RCAN2: variants seen among roughly 807,000 people sequenced by gnomAD.
RCAN2 encodes calcipressin-2.
In RCAN2, 9 loss-of-function variants were observed where a neutral mutation model predicts 23.6. That is an observed-to-expected ratio of 0.38 (90% CI 0.23 to 0.67). RCAN2 has a LOEUF of 0.67. Ranked by LOEUF, RCAN2 falls within the 30% of genes least tolerant of loss-of-function variation. The pLI, the probability that RCAN2 is intolerant of heterozygous loss-of-function variation, is 0.51. For synonymous variants in RCAN2, 109 were observed against 115.7 expected (o/e 0.94, Z 0.37); for missense variants, 273 against 302.3 (o/e 0.90, Z 0.72).
At chr6:46,273,039 T>C (rs1767568611) in intron 2 of RCAN2, among the ~76,000 whole-genome samples, 1 of 152,230 alleles carries the variant, frequency 6.6e-6, no homozygotes, top group African/African-American at 2.4e-5. Flanking sequence ...TCCTGCCTTA[T>C]ATAAGCCTTC....
At chr6:46,273,592 A>G (rs544003009) in intron 2 of RCAN2, among the ~76,000 whole-genome samples, 1 of 152,382 alleles carries the variant, frequency 6.6e-6, no homozygotes, top group South Asian at 2.1e-4. Flanking sequence ...AGTTATGACC[A>G]TAGCTCCTTT....
chr6:46,270,268 G>A (rs957734363), intron 2 of RCAN2, among the ~76,000 whole-genome samples: 2 of 152,134 alleles, frequency 1.3e-5, no homozygotes, highest in African/African-American at 4.8e-5. Context: ...GGAGAGAAGC[G>A]CTGACTCTGA....
intron 2 of RCAN2, among the ~76,000 whole-genome samples, chr6:46,307,505 C>T (rs1212953636): frequency 6.6e-6 from 1 of 152,098 alleles, no homozygotes; most frequent in African/African-American, 2.4e-5. Flanking sequence ...AGTTTAAATG[C>T]CTACATCCAA....
chr6:46,244,788 C>T (rs777804522), intron 4 of RCAN2, among the ~76,000 whole-genome samples: 10 of 152,244 alleles, frequency 6.6e-5, no homozygotes, highest in African/African-American at 2.4e-4. Context: ...GGTCCTCTAG[C>T]CAAGACCTTA....
chr6:46,444,207 C>T (rs1037668232), intron 2 of RCAN2, among the ~76,000 whole-genome samples: 115 of 152,236 alleles, frequency 7.6e-4, no homozygotes, highest in African/African-American at 2.4e-3. Context: ...TCAAGACAAA[C>T]GTGCACAGAG....
At chr6:46,371,356 C>G (rs923182685) in intron 2 of RCAN2, among the ~76,000 whole-genome samples, 2 of 152,202 alleles carry the variant, frequency 1.3e-5, no homozygotes, top group Non-Finnish European at 2.9e-5. Flanking sequence ...TCATGTGACA[C>G]TTGGGAAGCA....
intron 1 of RCAN2, among the ~76,000 whole-genome samples, chr6:46,458,268 A>C (rs143697121): frequency 9.8e-4 from 150 of 152,332 alleles, no homozygotes; most frequent in African/African-American, 3.4e-3. Context: ...GTTTCTGCTT[A>C]TCTCTCTCTT....
At chr6:46,339,754 A>T (rs1764246698) in intron 2 of RCAN2, among the ~76,000 whole-genome samples, 1 of 152,134 alleles carries the variant, frequency 6.6e-6, no homozygotes, top group Non-Finnish European at 1.5e-5. Context: ...TACTAAGTAA[A>T]TATTATCATA....
At chr6:46,425,702 A>C (rs1767011109) in intron 2 of RCAN2, among the ~76,000 whole-genome samples, 1 of 152,152 alleles carries the variant, frequency 6.6e-6, no homozygotes, top group South Asian at 2.1e-4. Context: ...GTTATAATTT[A>C]TGTGCCTACT....
intron 1 of RCAN2, among the ~76,000 whole-genome samples, chr6:46,457,315 A>C (rs919592340): frequency 6.6e-6 from 1 of 152,244 alleles, no homozygotes; most frequent in African/African-American, 2.4e-5. Context: ...TAAATGATTT[A>C]TATAAATTTA....
chr6:46,220,762 T>A lies in RCAN2; in HGVS notation c.*2379A>T, dbSNP rs1019564336. On this transcript the variant is annotated 3_prime_UTR_variant, in exon 5 of 5. Transcript: ENST00000371374. ...TCATTCACCAGATATATTTGAAGTC[T>A]AAGCTCTTTGAGCTATACACGTGCA... 1 of 152,658 alleles carries A rather than the reference T, an allele frequency of 6.6e-6. No individual in the cohort carries two copies. Among genetic ancestry groups the A allele is most frequent in the East Asian group, 1.9e-4 (1 of 5,200 alleles). The allele number at this position is 152,658 out of a possible 1,614,324, so 9.5% of individuals were successfully genotyped here.
At chr6:46,231,491 C>T (rs1424080722) in intron 4 of RCAN2, among the ~76,000 whole-genome samples, 2 of 151,602 alleles carry the variant, frequency 1.3e-5, no homozygotes, top group South Asian at 2.1e-4. Flanking sequence ...CTCACTGCAA[C>T]CTCTGCCTCC....
At chr6:46,321,798 T>C (rs1370212260) in intron 2 of RCAN2, among the ~76,000 whole-genome samples, 2 of 152,242 alleles carry the variant, frequency 1.3e-5, no homozygotes, top group African/African-American at 4.8e-5. Context: ...AACTGAAGTG[T>C]TGGGTGAGCG....
At chr6:46,298,714 A>G (rs1428976621) in intron 2 of RCAN2, among the ~76,000 whole-genome samples, 1 of 152,060 alleles carries the variant, frequency 6.6e-6, no homozygotes, top group Non-Finnish European at 1.5e-5. Context: ...TTGTCAAGGA[A>G]CTTAAAACAG....
At chr6:46,416,645 G>A (rs1161840424) in intron 2 of RCAN2, among the ~76,000 whole-genome samples, 1 of 151,668 alleles carries the variant, frequency 6.6e-6, no homozygotes, top group Non-Finnish European at 1.5e-5. Flanking sequence ...CTTCCGAGTG[G>A]CTAGGACTTG....
At chr6:46,443,023 G>A (rs1206117400) in intron 2 of RCAN2, among the ~76,000 whole-genome samples, 1 of 151,462 alleles carries the variant, frequency 6.6e-6, no homozygotes, top group East Asian at 1.9e-4. Flanking sequence ...ACTGTTCAGG[G>A]AAAAAAAACA....
chr6:46,282,162 A>G lies in RCAN2; in HGVS notation c.226-33266T>C, dbSNP rs1379836693. On this transcript the variant is annotated intron_variant, in intron 2 of 4. Coordinates refer to ENST00000371374, the MANE Select transcript of RCAN2 (RefSeq NM_001251974.2). ...ACAACTACTTCGCATTTCCCCTAATAAGCATATATTATCCAAAACAGACCA... is the reference window on the plus strand; with the variant it reads ...ACAACTACTTCGCATTTCCCCTAATGAGCATATATTATCCAAAACAGACCA... 1.8e-4 allele frequency among the ~76,000 whole-genome samples: 27 copies of G among 152,192 alleles called. 1 individual carries two copies. Among genetic ancestry groups the G allele is most frequent in the Non-Finnish European group, 3.5e-4 (24 of 68,026 alleles).
At chr6:46,468,513 C>A (rs1460279308) in intron 1 of RCAN2, among the ~76,000 whole-genome samples, 1 of 152,210 alleles carries the variant, frequency 6.6e-6, no homozygotes, top group Non-Finnish European at 1.5e-5. Flanking sequence ...CAAAGCAGCC[C>A]CCATCCTGGG....
At chr6:46,429,014 C>A (rs1582194392) in intron 2 of RCAN2, among the ~76,000 whole-genome samples, 1 of 152,148 alleles carries the variant, frequency 6.6e-6, no homozygotes, top group Non-Finnish European at 1.5e-5. Context: ...ATGACCTCAG[C>A]CTCAGAGATA....
Sources: gnomAD v4.1 joint callset for allele counts (sites outside exome capture counted in the v4.1 genomes callset) on GRCh38, gnomAD v4.1.1 for gene constraint, MANE v1.5 for transcripts, NCBI Gene and HGNC (gene_info 2026-07-23, HGNC 2026-07-21) for gene names.